The following ST8SIA6 variants were observed in gnomAD, a reference collection of about 807,000 sequenced individuals.
ST8SIA6 encodes ST8 alpha-N-acetyl-neuraminide alpha-2,8-sialyltransferase 6.
ST8SIA6 carries 39 observed loss-of-function variants against 33.6 expected under a neutral mutation model. The ratio of observed to expected loss-of-function variants is 1.16; its 90% confidence interval spans 0.90 to 1.52. ST8SIA6 has a LOEUF of 1.52. Ranked by LOEUF, ST8SIA6 falls within the 40% of genes most tolerant of loss-of-function variation. The pLI is 0.00. For missense variants in ST8SIA6, 441 were observed against 443.8 expected, an observed-to-expected ratio of 0.99 and a Z score of 0.06; for synonymous variants, 172 against 167.2, an observed-to-expected ratio of 1.03 and a Z score of -0.22.
intron 4 of ST8SIA6, among the ~76,000 whole-genome samples, chr10:17,342,170 T>C (rs1336247225): frequency 6.6e-6 from 1 of 152,322 alleles, no homozygotes; most frequent in East Asian, 1.9e-4. Flanking sequence ...CCAGCGGTGA[T>C]GTCCATGGCC....
chr10:17,428,162 C>T (rs750993073), intron 2 of ST8SIA6, among the ~76,000 whole-genome samples: 2 of 152,188 alleles, frequency 1.3e-5, no homozygotes, highest in African/African-American at 2.4e-5. Flanking sequence ...TAAATGCTAT[C>T]GCATAAAACC....
intron 2 of ST8SIA6, among the ~76,000 whole-genome samples, chr10:17,420,469 A>G (rs1564456046): frequency 6.6e-6 from 1 of 152,196 alleles, no homozygotes; most frequent in Non-Finnish European, 1.5e-5. Flanking sequence ...CATTTTTGTT[A>G]TGGTGAAAGT....
intron 3 of ST8SIA6, among the ~76,000 whole-genome samples, chr10:17,382,692 C>G (rs1393015832): frequency 2.0e-5 from 3 of 152,118 alleles, no homozygotes; most frequent in African/African-American, 7.2e-5. Context: ...TCTTCAGGCC[C>G]CGTACAAGAT....
chr10:17,328,903 A>C lies in ST8SIA6; in HGVS notation c.523-1777T>G, dbSNP rs78412144. 7.5e-3 allele frequency among the ~76,000 whole-genome samples: 1,146 copies of C among 152,180 alleles called. 14 individuals carry two copies. The highest frequency in any genetic ancestry group is 0.026 in the African/African-American group (1,078 of 41,514). On this transcript the variant is annotated intron_variant, in intron 5 of 7. Transcript: ENST00000377602. ...GTTTTTTAAAGCATTGGTAACTAAA[A>C]ATTGTCCAGGGTGGGGGTATTGACA...
At chr10:17,359,930 A>G (rs1321269821) in intron 3 of ST8SIA6, among the ~76,000 whole-genome samples, 1 of 152,194 alleles carries the variant, frequency 6.6e-6, no homozygotes, top group Admixed American at 6.5e-5. Flanking sequence ...TAGATGTTTT[A>G]TAGATGTTTG....
chr10:17,419,695 A>T (rs1046785711), intron 2 of ST8SIA6, among the ~76,000 whole-genome samples: 1 of 152,244 alleles, frequency 6.6e-6, no homozygotes, highest in African/African-American at 2.4e-5. Context: ...CCCCACCCTC[A>T]GGGAACAATA....
intron 2 of ST8SIA6, among the ~76,000 whole-genome samples, chr10:17,416,947 T>C (rs1450586974): frequency 6.6e-6 from 1 of 152,216 alleles, no homozygotes; most frequent in Admixed American, 6.5e-5. Context: ...ATTTCCTCCT[T>C]TGCTCTCTGT....
intron 3 of ST8SIA6, among the ~76,000 whole-genome samples, chr10:17,381,265 C>A (rs563748973): frequency 6.6e-6 from 1 of 152,064 alleles, no homozygotes; most frequent in East Asian, 1.9e-4. Flanking sequence ...CTTTAATGTG[C>A]AAACTTAAGG....
chr10:17,422,602 A>T (rs552555294), intron 2 of ST8SIA6, among the ~76,000 whole-genome samples: 78 of 152,200 alleles, frequency 5.1e-4, no homozygotes, highest in Non-Finnish European at 1.0e-3. Flanking sequence ...GACATTGTCA[A>T]GGTTCAAGAC....
chr10:17,370,061 A>G (rs1173432778), intron 3 of ST8SIA6, among the ~76,000 whole-genome samples: 9 of 151,752 alleles, frequency 5.9e-5, no homozygotes, highest in African/African-American at 2.2e-4. Flanking sequence ...GCTCACTGCA[A>G]GCTCCGCCTC....
At chr10:17,419,568 C>T (rs886575637) in intron 2 of ST8SIA6, among the ~76,000 whole-genome samples, 1 of 152,022 alleles carries the variant, frequency 6.6e-6, no homozygotes, top group African/African-American at 2.4e-5. Flanking sequence ...AAAAAAATAA[C>T]GACTCCACAC....
At chr10:17,414,452 A>G (rs184580647) in intron 2 of ST8SIA6, among the ~76,000 whole-genome samples, 142 of 152,310 alleles carry the variant, frequency 9.3e-4, no homozygotes, top group Non-Finnish European at 1.5e-3. Flanking sequence ...CAACACTTTC[A>G]TACTGCTCCC....
At chr10:17,337,525 C>A (rs1848544187) in intron 4 of ST8SIA6, among the ~76,000 whole-genome samples, 3 of 152,176 alleles carry the variant, frequency 2.0e-5, no homozygotes, top group African/African-American at 7.2e-5. Flanking sequence ...TCTAAGATGT[C>A]ACAGGCTAAG....
chr10:17,339,845 C>A (rs986892801), intron 4 of ST8SIA6, among the ~76,000 whole-genome samples: 1 of 152,196 alleles, frequency 6.6e-6, no homozygotes, highest in Non-Finnish European at 1.5e-5. Flanking sequence ...ATGACACGTT[C>A]ATTCACTCAT....
intron 4 of ST8SIA6, among the ~76,000 whole-genome samples, chr10:17,335,440 T>G (rs1848469774): frequency 6.6e-6 from 1 of 152,232 alleles, no homozygotes; most frequent in South Asian, 2.1e-4. Context: ...AAATTTAGTC[T>G]TCTGAATTCC....
At chr10:17,406,580 A>T (rs1217985215) in intron 2 of ST8SIA6, among the ~76,000 whole-genome samples, 2 of 152,088 alleles carry the variant, frequency 1.3e-5, no homozygotes, top group Non-Finnish European at 2.9e-5. Flanking sequence ...CCAACTACAA[A>T]CGTATGAGGG....
chr10:17,333,702 T>TATATATATAGATATATATATATAG (rs1848390604), intron 4 of ST8SIA6, among the ~76,000 whole-genome samples: 4 of 28,620 alleles, frequency 1.4e-4, no homozygotes, highest in African/African-American at 6.8e-4. Flanking sequence ...TATATATATA[T>TATATATATAGATATATATATATAG]ATATATATAT....
chr10:17,323,258 TAATAA>T lies in ST8SIA6; in HGVS notation c.636-106_636-102del, dbSNP rs538935327. 7.4e-5 allele frequency: 38 copies of T among 513,366 alleles called. No homozygotes were observed. In the South Asian group the frequency reaches 1.8e-3, roughly 24 times the overall value. 31.8% of individuals were successfully genotyped at this position (513,366 alleles called of 1,614,324 possible). A position where few individuals can be genotyped will look rare whatever the true frequency, so the allele number is the denominator to read the frequency against. On this transcript the variant is annotated intron_variant, in intron 6 of 7. Transcript: ENST00000377602. ...ACACACACACACACACACCTATCTA[TAATAA>T]TTGTTCTTATGTTGGAGAAATCATT... is the stretch of plus-strand genomic sequence containing the variant.
At chr10:17,398,253 G>C (rs901655313) in intron 2 of ST8SIA6, among the ~76,000 whole-genome samples, 1 of 152,062 alleles carries the variant, frequency 6.6e-6, no homozygotes, top group African/African-American at 2.4e-5. Context: ...CCTGAACCCG[G>C]GAGGCAGAGG....
Sources: allele counts gnomAD v4.1 joint callset (sites outside exome capture counted in the v4.1 genomes callset), GRCh38; gene constraint gnomAD v4.1.1; transcripts MANE v1.5; gene names NCBI Gene and HGNC (gene_info 2026-07-23, HGNC 2026-07-21).